Variants in NAAA observed in about 807,000 individuals in gnomAD.
NAAA encodes N-acylethanolamine acid amidase, also known as N-acylethanolamine-hydrolyzing acid amidase.
Under a neutral mutation model 44.8 loss-of-function variants are expected in NAAA, and 39 were observed. The observed-to-expected ratio is 0.87, with a 90% CI of 0.67 to 1.14. The LOEUF is 1.14. Among genes scored for constraint, NAAA ranks in the 50% most tolerant of loss-of-function variants. The probability of loss-of-function intolerance (pLI) is 0.00; values close to 1 mark genes in which losing one functional copy is unlikely to be tolerated. For synonymous variants in NAAA, 178 were observed against 191.3 expected (o/e 0.93, Z 0.58); for missense variants, 460 against 467.8 (o/e 0.98, Z 0.15).
chr4:75,918,805 T>C lies in NAAA; in HGVS notation c.970-16A>G. 1 of 1,607,708 alleles carries C rather than the reference T, an allele frequency of 6.2e-7. No homozygotes were observed. The highest frequency in any genetic ancestry group is 8.5e-7 in the Non-Finnish European group (1 of 1,175,026). ...CCGACAAAATCTGCATAGGAAAAAG[T>C]CATTTTATAGAGAAGATTACATGGT... On this transcript the variant is annotated splice_polypyrimidine_tract_variant and intron_variant, in intron 8 of 10. Coordinates refer to ENST00000286733, the MANE Select transcript of NAAA (RefSeq NM_014435.4).
Position 75,914,023 on chromosome 4 carries a change from T to C in NAAA, c.*352A>G, listed in dbSNP as rs892745226. On this transcript the variant is annotated 3_prime_UTR_variant, in exon 11 of 11. Coordinates refer to ENST00000286733, the MANE Select transcript of NAAA (RefSeq NM_014435.4). ...CATTTCATTAGCGGAGAAGCAAAGG[T>C]ATGATGGCAGAATCATGAGAAGATG... 43 of 985,372 alleles carry C rather than the reference T, an allele frequency of 4.4e-5. No homozygotes were observed. Among genetic ancestry groups the C allele is most frequent in the East Asian group, 3.4e-4 (3 of 8,812 alleles). 61.0% of individuals were successfully genotyped at this position (985,372 alleles called of 1,614,324 possible).
At chr4:75,921,645 C>G in intron 5 of NAAA, among the ~76,000 whole-genome samples, 1 of 152,084 alleles carries the variant, frequency 6.6e-6, no homozygotes. Context: ...AGTAGGGGTC[C>G]CATCCTCACC....
chr4:75,937,486 GTTAT>G (rs140810688), intron 2 of NAAA, among the ~76,000 whole-genome samples: 110,530 of 150,882 alleles, frequency 0.73, 40,615 homozygotes, highest in Middle Eastern at 0.82. Context: ...CAAGGTTTCT[GTTAT>G]TTATTTATTT....
chr4:75,940,442 G>T (rs1728163295), intron 1 of NAAA, among the ~76,000 whole-genome samples: 1 of 152,220 alleles, frequency 6.6e-6, no homozygotes, highest in Admixed American at 6.5e-5. Flanking sequence ...CGCGAGGCCC[G>T]CAAGGAAGGC....
At chr4:75,912,406 T>C (rs1241836147), downstream of NAAA, among the ~76,000 whole-genome samples, 2 of 151,458 alleles carry the variant, frequency 1.3e-5, no homozygotes, top group African/African-American at 4.9e-5. Flanking sequence ...CACCAAAAAT[T>C]AGCCGGGCAT....
At position 75,920,816 on chromosome 4, in the gene NAAA, T is replaced by C. The variant is rs746897866; in HGVS notation, c.840-16A>G. 1.9e-6 allele frequency: 3 copies of C among 1,614,146 alleles called. No individual in the cohort carries two copies. Among genetic ancestry groups the C allele is most frequent in the Non-Finnish European group, 2.5e-6 (3 of 1,180,028 alleles). ...TCGGAACCACCTACAACAGAGCACA[T>C]CATCTTGTCTTATCCAAGGCAATTT... On this transcript the variant is annotated splice_polypyrimidine_tract_variant and intron_variant, in intron 6 of 10. Transcript: ENST00000286733.
rs754738166 is a variant in NAAA at position 75,921,120 on chromosome 4, G to C, written c.670C>G (p.Leu224Val). ...IPVSWLIRAT[L>V]SESENFEAAV... is the part of the protein sequence containing the mutation. ...GCTTCGAAGTTTTCCGACTCACTCAGGGTCTGAACGAAAGGATGAACTTGC... is the reference window on the plus strand; with the variant it reads ...GCTTCGAAGTTTTCCGACTCACTCACGGTCTGAACGAAAGGATGAACTTGC... The change falls in exon 6 of 11, where the codon CTG (leucine) becomes GTG (valine). Residue 224 changes from leucine to valine, a missense_variant. Coordinates refer to ENST00000286733, the MANE Select transcript of NAAA (RefSeq NM_014435.4). 1.3e-6 allele frequency: 2 copies of C among 1,570,842 alleles called. No individual in the cohort carries two copies. The highest frequency in any genetic ancestry group is 1.7e-6 in the Non-Finnish European group (2 of 1,164,270).
chr4:75,928,548 A>G (rs973875037), intron 4 of NAAA, among the ~76,000 whole-genome samples: 5 of 152,140 alleles, frequency 3.3e-5, no homozygotes, highest in Middle Eastern at 3.2e-3. Flanking sequence ...TGGGTAGAAA[A>G]TAGGGAAAAG....
intron 9 of NAAA, among the ~76,000 whole-genome samples, chr4:75,918,341 G>A (rs1415369069): frequency 2.6e-5 from 4 of 152,132 alleles, no homozygotes; most frequent in African/African-American, 9.7e-5. Flanking sequence ...TGTAGTCCCA[G>A]CCACTTGGGA....
In NAAA at chr4:75,921,847, A is replaced by T. The variant is rs1038152974; in HGVS notation, c.667-724T>A. Reference sequence around the variant, plus strand: ...TGCGCTACATTAGCGCCCTGAGCTTAACTGGTGTTCAGACACCCCGAGGGC... The same window carrying T: ...TGCGCTACATTAGCGCCCTGAGCTTTACTGGTGTTCAGACACCCCGAGGGC... On this transcript the variant is annotated intron_variant, in intron 5 of 10. Transcript: ENST00000286733. 2.6e-5 allele frequency among the ~76,000 whole-genome samples: 4 copies of T among 152,200 alleles called. No individual in the cohort carries two copies. In the East Asian group the frequency reaches 5.8e-4, roughly 22 times the overall value.
At chr4:75,925,115 C>T (rs1457850773) in intron 5 of NAAA, among the ~76,000 whole-genome samples, 2 of 152,032 alleles carry the variant, frequency 1.3e-5, no homozygotes, top group African/African-American at 2.4e-5. Context: ...CCTCAGCCTC[C>T]GGCTCCGCCT....
At chr4:75,923,032 CTT>C (rs78481348) in intron 5 of NAAA, among the ~76,000 whole-genome samples, 19 of 144,142 alleles carry the variant, frequency 1.3e-4, no homozygotes, top group Non-Finnish European at 9.2e-5. Context: ...TTTCTTCTTC[CTT>C]TTTTTTTTTT....
chr4:75,916,778 C>CTTT lies in NAAA; in HGVS notation c.999-1796_999-1794dup, dbSNP rs35739236. Reference sequence around the variant, plus strand: ...TTTTTAAAAGATATATTCATCACTTCTTTTTTTTTTTTTTTTTTTTTTTTT... The same window carrying CTTT: ...TTTTTAAAAGATATATTCATCACTTCTTTTTTTTTTTTTTTTTTTTTTTTTTTT... On this transcript the variant is annotated intron_variant, in intron 9 of 10. Transcript: ENST00000286733. Among the ~76,000 whole-genome samples the CTTT allele has an allele frequency of 1.4e-3, 107 of 76,972 alleles. 11 individuals are homozygous for CTTT. The South Asian group carries it at 0.017, about 12-fold the overall frequency. The allele number at this position is 76,972 out of a possible 152,430, so 50.5% of individuals were successfully genotyped here.
At chr4:75,936,937 T>C (rs1727775330) in intron 2 of NAAA, among the ~76,000 whole-genome samples, 1 of 152,336 alleles carries the variant, frequency 6.6e-6, no homozygotes, top group Middle Eastern at 3.4e-3. Flanking sequence ...GGGAAAAATA[T>C]GTATATCCAC....
Position 75,940,970 on chromosome 4 carries a change from C to T in NAAA, c.-21G>A. 1 of 1,458,902 alleles carries T rather than the reference C, an allele frequency of 6.9e-7. No homozygotes were observed. Among genetic ancestry groups the T allele is most frequent in the South Asian group, 1.4e-5 (1 of 72,594 alleles). 90.4% of individuals were successfully genotyped at this position (1,458,902 alleles called of 1,614,324 possible). A position where few individuals can be genotyped will look rare whatever the true frequency, so the allele number is the denominator to read the frequency against. ...CGCATGGCTCGGGCTCCAGCGGCCG[C>T]AACTTGGAGACCTGCAGCCGCTGTC... On this transcript the variant is annotated 5_prime_UTR_variant, in exon 1 of 11. Transcript: ENST00000286733.
Position 75,925,794 on chromosome 4 carries a change from C to G in NAAA, c.607G>C (p.Glu203Gln). Residue 203 changes from glutamate (E) to glutamine (Q), a missense_variant, in exon 5 of 11, where the codon GAG becomes CAG. Coordinates refer to ENST00000286733, the MANE Select transcript of NAAA (RefSeq NM_014435.4). ...CGAAACAGGGCAGCGATAGCATTCT[C>G]CCACCACCAGCCTTTATCTGCCAAG... ...GDERDKGWWWENAIAALFRRH... is the reference protein window; with the variant it reads ...GDERDKGWWWQNAIAALFRRH... The G allele has an allele frequency of 6.2e-7, 1 of 1,614,160 alleles. No homozygotes were observed. Among genetic ancestry groups the G allele is most frequent in the African/African-American group, 1.3e-5 (1 of 75,042 alleles).
chr4:75,940,682 G>C (rs1578097567), intron 1 of NAAA, 62 bp downstream of exon 1: 2 of 1,512,862 alleles, frequency 1.3e-6, no homozygotes, highest in East Asian at 5.0e-5. Context: ...TGAGCAGCGC[G>C]CGTTTGACTC....
chr4:75,932,378 C>T (rs986182388), intron 3 of NAAA, among the ~76,000 whole-genome samples: 1 of 152,100 alleles, frequency 6.6e-6, no homozygotes, highest in Non-Finnish European at 1.5e-5. Context: ...TTTAAAAATC[C>T]TTTAACAAAG....
At chr4:75,928,963 T>TG (rs201304618) in intron 4 of NAAA, among the ~76,000 whole-genome samples, 1,748 of 148,804 alleles carry the variant, frequency 0.012, 21 homozygotes, top group Middle Eastern at 0.059. Flanking sequence ...AAATTTGTGT[T>TG]TTTTTTTTTT....
Sources: allele counts gnomAD v4.1 joint callset (sites outside exome capture counted in the v4.1 genomes callset), GRCh38; gene constraint gnomAD v4.1.1; transcripts MANE v1.5; gene names NCBI Gene and HGNC (gene_info 2026-07-23, HGNC 2026-07-21).